OVCH2: variants seen among roughly 807,000 people sequenced by gnomAD.
OVCH2 encodes the protein ovochymase 2, also known as ovochymase-2.
Under a neutral mutation model 73.7 loss-of-function variants are expected in OVCH2, and 88 were observed. The observed-to-expected ratio is 1.19, with a 90% confidence interval of 1.01 to 1.43. OVCH2 has a LOEUF of 1.43. Ranked by LOEUF, OVCH2 falls within the 40% of genes most tolerant of loss-of-function variation. The pLI is 0.00. For synonymous variants in OVCH2, 265 were observed against 234.5 expected, an observed-to-expected ratio of 1.13 and a Z score of -1.19; for missense variants, 706 against 674.5, an observed-to-expected ratio of 1.05 and a Z score of -0.52.
At chr11:7,684,438 C>T (rs1856119657), downstream of OVCH2, among the ~76,000 whole-genome samples, 1 of 151,486 alleles carries the variant, frequency 6.6e-6, no homozygotes, top group Non-Finnish European at 1.5e-5. Flanking sequence ...TTGGGACTCT[C>T]TGCCTGGGAT....
the OVCH2 span, among the ~76,000 whole-genome samples, chr11:7,678,905 G>A: frequency 6.6e-6 from 1 of 152,156 alleles, no homozygotes; most frequent in Non-Finnish European, 1.5e-5. Flanking sequence ...AATATGCATG[G>A]AACAAACCTG....
chr11:7,688,588 G>A (rs111879041), downstream of OVCH2, among the ~76,000 whole-genome samples: 8 of 151,926 alleles, frequency 5.3e-5, no homozygotes, highest in African/African-American at 7.3e-5. Flanking sequence ...TTTCATTCCC[G>A]ACTCTCTCTA....
chr11:7,704,432 T>G (rs1856496523), intron 2 of OVCH2, 133 bp downstream of exon 2: 1 of 590,086 alleles, frequency 1.7e-6, no homozygotes, highest in African/African-American at 1.9e-5. Flanking sequence ...ATTCATCACA[T>G]GCCATGATGA....
chr11:7,706,098 T>C (rs1856525010), intron 1 of OVCH2: 1 of 480,606 alleles, frequency 2.1e-6, no homozygotes, highest in African/African-American at 2.0e-5. Flanking sequence ...CTTAATTGGA[T>C]ACATTAGTTG....
chr11:7,695,480 G>T, intron 11 of OVCH2, 90 bp downstream of exon 11: 1 of 1,297,866 alleles, frequency 7.7e-7, no homozygotes, highest in Non-Finnish European at 1.1e-6. Flanking sequence ...GGCCTTGGGA[G>T]AGGGATCCCT....
downstream of OVCH2, among the ~76,000 whole-genome samples, chr11:7,685,266 A>T (rs1401970687): frequency 1.3e-5 from 2 of 152,156 alleles, no homozygotes; most frequent in African/African-American, 4.8e-5. Flanking sequence ...CACACCGCCT[A>T]TGGGAGCAGA....
intron 12 of OVCH2, among the ~76,000 whole-genome samples, chr11:7,693,715 C>A (rs1239050482): frequency 6.6e-6 from 1 of 152,300 alleles, no homozygotes; most frequent in African/African-American, 2.4e-5. Flanking sequence ...GAAATCTATA[C>A]CAACTGCCTC....
chr11:7,693,032 T>C (rs1334413195), intron 12 of OVCH2, among the ~76,000 whole-genome samples: 2 of 152,196 alleles, frequency 1.3e-5, no homozygotes, highest in African/African-American at 4.8e-5. Context: ...GGGAACTATC[T>C]AGATAGAAGG....
intron 14 of OVCH2, 34 bp from the exon 15 acceptor site, chr11:7,690,047 C>A (rs764981069): frequency 4.7e-5 from 65 of 1,371,760 alleles, no homozygotes; most frequent in Middle Eastern, 1.8e-4. Context: ...ACTCAGTTTC[C>A]ACAAAGACAG....
the OVCH2 span, among the ~76,000 whole-genome samples, chr11:7,683,691 T>A: frequency 1.3e-5 from 2 of 152,196 alleles, no homozygotes; most frequent in Non-Finnish European, 2.9e-5. Context: ...ACCTACCTTC[T>A]CTGATATCCC....
At chr11:7,705,530 A>G (rs912674813) in intron 1 of OVCH2, 4 of 152,200 alleles carry the variant, frequency 2.6e-5, no homozygotes, top group African/African-American at 9.7e-5. Context: ...AAGCTCTTTC[A>G]TACAGCTTCT....
At chr11:7,691,454 T>C in intron 13 of OVCH2, 54 bp from the exon 14 acceptor site, 1 of 1,565,554 alleles carries the variant, frequency 6.4e-7, no homozygotes, top group Non-Finnish European at 8.7e-7. Flanking sequence ...CAGATAGCCA[T>C]GGCATTGGAG....
chr11:7,702,121 G>A (rs779945130), intron 4 of OVCH2, 36 bp downstream of exon 4: 1 of 1,530,224 alleles, frequency 6.5e-7, no homozygotes, highest in South Asian at 1.1e-5. Context: ...TAGAGAACAT[G>A]GGGTAGACAA....
downstream of OVCH2, chr11:7,689,316 T>C (rs944862399): frequency 5.1e-6 from 1 of 195,962 alleles, no homozygotes; most frequent in African/African-American, 2.3e-5. Context: ...GTTTCTATGA[T>C]TTTCCCTTTC....
rs1856533380 is a variant in OVCH2, at chr11:7,706,467, C to A, written c.-73G>T. On this transcript the variant is annotated 5_prime_UTR_variant, in exon 1 of 16. Transcript: ENST00000533663. ...ACAAAAATAGGAAGCCTTGAGAGAC[C>A]AGCAATAAGCCAATTTAAAACAAGT... is the stretch of plus-strand genomic sequence containing the variant. 7 of 1,497,720 alleles carry A rather than the reference C, an allele frequency of 4.7e-6. No individual in the cohort carries two copies. The highest frequency in any genetic ancestry group is 6.2e-6 in the Non-Finnish European group (7 of 1,128,482). 92.8% of individuals were successfully genotyped at this position (1,497,720 alleles called of 1,614,324 possible). A position where few individuals can be genotyped will look rare whatever the true frequency, so the allele number is the denominator to read the frequency against.
intron 13 of OVCH2, 146 bp from the exon 14 acceptor site, chr11:7,691,546 C>G (rs917512201): frequency 8.8e-7 from 1 of 1,129,962 alleles, no homozygotes; most frequent in African/African-American, 1.6e-5. Context: ...AAAGGCAGCT[C>G]ACTCCTTAAT....
chr11:7,705,890 C>A (rs1190784056), intron 1 of OVCH2, among the ~76,000 whole-genome samples: 1 of 152,090 alleles, frequency 6.6e-6, no homozygotes, highest in African/African-American at 2.4e-5. Context: ...GAAAAAAGAC[C>A]ATTTATAATA....
intron 1 of OVCH2, among the ~76,000 whole-genome samples, chr11:7,705,073 C>T (rs1856508388): frequency 6.6e-6 from 1 of 152,160 alleles, no homozygotes; most frequent in South Asian, 2.1e-4. Flanking sequence ...TCAAGGATGG[C>T]ACATCTTCTG....
At chr11:7,685,069 C>T (rs1856127875), downstream of OVCH2, among the ~76,000 whole-genome samples, 1 of 152,174 alleles carries the variant, frequency 6.6e-6, no homozygotes, top group Non-Finnish European at 1.5e-5. Flanking sequence ...AGCAGAGAGG[C>T]ATTCTTTCTC....
Sources: allele counts gnomAD v4.1 joint callset (sites outside exome capture counted in the v4.1 genomes callset), GRCh38; gene constraint gnomAD v4.1.1; transcripts MANE v1.5; gene names NCBI Gene and HGNC (gene_info 2026-07-23, HGNC 2026-07-21).